BCLAF1: variants seen among roughly 807,000 people sequenced by gnomAD.
BCLAF1 encodes the protein BCL2 associated transcription factor 1, also known as bcl-2-associated transcription factor 1.
In BCLAF1, 10 loss-of-function variants were observed where a neutral mutation model predicts 99.5. That is an observed-to-expected ratio of 0.10 (90% CI 0.06 to 0.17). BCLAF1 has a LOEUF of 0.17. BCLAF1 is among the 10% of genes least tolerant of loss of function. The pLI, the probability that BCLAF1 is intolerant of heterozygous loss-of-function variation, is 1.00. For missense variants in BCLAF1, 636 were observed against 1,105.8 expected (o/e 0.58, Z 6.02); for synonymous variants, 255 against 370.9 (o/e 0.69, Z 3.59).
chr6:136,277,175 C>T (rs1447957981), intron 4 of BCLAF1, among the ~76,000 whole-genome samples: 2 of 152,194 alleles, frequency 1.3e-5, no homozygotes, highest in Non-Finnish European at 2.9e-5. Flanking sequence ...CTTTCAGCAA[C>T]ACTTGAAATC....
rs879437237 is a variant in BCLAF1, at chr6:136,256,711, T to TAAATCAA, written c.*4398_*4399insTTGATTT. On this transcript the variant is annotated 3_prime_UTR_variant, in exon 13 of 13. Transcript: ENST00000531224. ...AATAAATAAATAAATAAATAAATAATTCAAAGTGCATTTAACATTCTTTTT... is the reference window on the plus strand; with the variant it reads ...AATAAATAAATAAATAAATAAATAATAAATCAATCAAAGTGCATTTAACATTCTTTTT... 1 of 134,364 alleles carries TAAATCAA rather than the reference T, an allele frequency of 7.4e-6. No individual in the cohort carries two copies. Among genetic ancestry groups the TAAATCAA allele is most frequent in the Non-Finnish European group, 1.6e-5 (1 of 63,856 alleles). 8.3% of individuals were successfully genotyped at this position (134,364 alleles called of 1,614,324 possible).
chr6:136,285,325 G>GA (rs1164209147), intron 1 of BCLAF1, among the ~76,000 whole-genome samples: 1 of 152,192 alleles, frequency 6.6e-6, no homozygotes, highest in Non-Finnish European at 1.5e-5. Flanking sequence ...GAGGAAAAAT[G>GA]AAAAATCACT....
intron 1 of BCLAF1, among the ~76,000 whole-genome samples, chr6:136,286,696 G>A (rs961743790): frequency 6.6e-6 from 1 of 152,182 alleles, no homozygotes. Flanking sequence ...GGCTGGGTGC[G>A]GTGGCTTACA....
At chr6:136,288,116 A>G (rs1785406918) in intron 1 of BCLAF1, among the ~76,000 whole-genome samples, 1 of 152,250 alleles carries the variant, frequency 6.6e-6, no homozygotes, top group African/African-American at 2.4e-5. Context: ...CCTCAAAGTC[A>G]AGAAGGGCTC....
rs779121676 is a variant in BCLAF1 at position 136,269,467 on chromosome 6, T to C, written c.2189A>G (p.Tyr730Cys). 1.2e-6 allele frequency: 2 copies of C among 1,610,654 alleles called. No individual in the cohort carries two copies. The highest frequency in any genetic ancestry group is 2.2e-5 in the East Asian group (1 of 44,830). Residue 730 changes from tyrosine (Y) to cysteine (C), a missense_variant, in exon 9 of 13, where the codon TAC (tyrosine) becomes TGC (cysteine). By Grantham distance (194) the Tyr-to-Cys change is radical. Around this residue, in one of 9 missense-constraint regions of BCLAF1, gnomAD observed 180 missense variants for 270.0 expected, o/e 0.67. Transcript: ENST00000531224. The part of the protein sequence containing the change: ...SRKQEKTPKD[Y>C]KEYKSYKDDS... ...ATCTTTGTAAGATTTGTATTCCTTG[T>C]AATCTTTTGGAGTTTTTTCCTGCTT...
chr6:136,265,670 AG>A (rs1781616312), intron 11 of BCLAF1, among the ~76,000 whole-genome samples: 1 of 152,194 alleles, frequency 6.6e-6, no homozygotes, highest in Non-Finnish European at 1.5e-5. Flanking sequence ...TGCTATGTGC[AG>A]TACACTTGCC....
At chr6:136,273,774 T>G (rs781171700) in intron 6 of BCLAF1, among the ~76,000 whole-genome samples, 1 of 152,070 alleles carries the variant, frequency 6.6e-6, no homozygotes, top group Non-Finnish European at 1.5e-5. Context: ...GCAAATTTGA[T>G]ATTGCTGTTT....
intron 2 of BCLAF1, among the ~76,000 whole-genome samples, chr6:136,281,016 T>C (rs1338519620): frequency 6.6e-6 from 1 of 152,150 alleles, no homozygotes; most frequent in Non-Finnish European, 1.5e-5. Context: ...TTGTTCGGTA[T>C]AATAAAATAG....
rs1405082072 is a variant in BCLAF1, at chr6:136,258,037, G to T, written c.*3073C>A. ...TACACACAGAGTTATTTCTCTCACA[G>T]AATTTTTAAGGACTAATTTGCCATT... On this transcript the variant is annotated 3_prime_UTR_variant, in exon 13 of 13. Coordinates refer to ENST00000531224, the MANE Select transcript of BCLAF1 (RefSeq NM_014739.3). The T allele has an allele frequency of 6.6e-6, 1 of 152,068 alleles. No homozygotes were observed. The highest frequency in any genetic ancestry group is 2.4e-5 in the African/African-American group (1 of 41,430). 9.4% of individuals were successfully genotyped at this position (152,068 alleles called of 1,614,324 possible).
Position 136,277,957 on chromosome 6 carries a change from C to A in BCLAF1, c.924G>T (p.Gln308His), listed in dbSNP as rs1783677806. The A allele has an allele frequency of 6.2e-7, 1 of 1,605,888 alleles. No individual in the cohort carries two copies. The highest frequency in any genetic ancestry group is 8.5e-7 in the Non-Finnish European group (1 of 1,176,220). ...RRSPAKTIAP[Q>H]NAPRDESRGR... ...CCCTAGACTCATCTCTTGGAGCATT[C>A]TGTGGTGCGATTGTCTTTGCAGGAC... Residue 308 changes from glutamine to histidine, a missense_variant, in exon 4 of 13, where the codon CAG becomes CAT. Transcript: ENST00000531224.
At chr6:136,284,175 C>G (rs1054692045) in intron 1 of BCLAF1, among the ~76,000 whole-genome samples, 2 of 136,380 alleles carry the variant, frequency 1.5e-5, no homozygotes, top group East Asian at 4.1e-4. Flanking sequence ...GAAGACCCAA[C>G]TGCCAGATCT....
intron 1 of BCLAF1, among the ~76,000 whole-genome samples, chr6:136,284,976 T>C (rs1376104307): frequency 6.6e-6 from 1 of 152,016 alleles, no homozygotes; most frequent in African/African-American, 2.4e-5. Flanking sequence ...GGGAAGACCA[T>C]ACTAGGCAGA....
intron 11 of BCLAF1, among the ~76,000 whole-genome samples, chr6:136,262,052 CG>C (rs1256111477): frequency 6.6e-6 from 1 of 152,098 alleles, no homozygotes. Context: ...AATCATGACA[CG>C]GTCCCTAGAA....
intron 9 of BCLAF1, among the ~76,000 whole-genome samples, chr6:136,268,926 C>T (rs1310886246): frequency 6.6e-6 from 1 of 151,850 alleles, no homozygotes; most frequent in African/African-American, 2.4e-5. Flanking sequence ...TAATGCAACA[C>T]CCGAAAAGGT....
At chr6:136,279,920 A>AT in intron 2 of BCLAF1, 44 bp from the exon 3 acceptor site, 1 of 1,375,756 alleles carries the variant, frequency 7.3e-7, no homozygotes. Flanking sequence ...TTACAATATG[A>AT]TATTTAAAAT....
chr6:136,266,474 T>C (rs1416530301), intron 11 of BCLAF1, among the ~76,000 whole-genome samples: 2 of 152,072 alleles, frequency 1.3e-5, no homozygotes, highest in African/African-American at 4.8e-5. Context: ...TCTAGCTTCA[T>C]CCTTGAAAAA....
chr6:136,272,748 C>T (rs188451644), intron 7 of BCLAF1, among the ~76,000 whole-genome samples: 1 of 152,038 alleles, frequency 6.6e-6, no homozygotes, highest in East Asian at 1.9e-4. Context: ...CTCTCTCTCT[C>T]ACCAAACATT....
intron 1 of BCLAF1, among the ~76,000 whole-genome samples, chr6:136,283,196 A>T (rs952886937): frequency 6.6e-6 from 1 of 151,560 alleles, no homozygotes; most frequent in African/African-American, 2.4e-5. Flanking sequence ...AAAAAAAAAA[A>T]AAAAAAAAGG....
At chr6:136,273,227 T>C (rs772117166) in intron 6 of BCLAF1, 40 bp from the exon 7 acceptor site, 1 of 1,546,336 alleles carries the variant, frequency 6.5e-7, no homozygotes, top group East Asian at 2.2e-5. Flanking sequence ...TAGTTAACTT[T>C]ACTTTAAGAG....
Sources: allele counts gnomAD v4.1 joint callset (sites outside exome capture counted in the v4.1 genomes callset), GRCh38; gene constraint gnomAD v4.1.1; regional missense constraint gnomAD v4.1.1; transcripts MANE v1.5; gene names NCBI Gene and HGNC (gene_info 2026-07-23, HGNC 2026-07-21).